PALM2AKAP2: variants seen among roughly 807,000 people sequenced by gnomAD.
The protein encoded by PALM2AKAP2 is PALM2 and AKAP2 fusion.
In PALM2AKAP2, 37 loss-of-function variants were observed where a neutral mutation model predicts 71.5. The observed-to-expected ratio is 0.52, with a 90% CI of 0.40 to 0.68. The LOEUF is 0.68. Ranked by LOEUF, PALM2AKAP2 falls within the 30% of genes least tolerant of loss-of-function variation. The pLI is 0.00. For missense variants in PALM2AKAP2, 1,224 were observed against 1,191.8 expected (o/e 1.03, Z -0.40); for synonymous variants, 468 against 478.8 (o/e 0.98, Z 0.29).
intron 1 of PALM2AKAP2, among the ~76,000 whole-genome samples, chr9:109,851,155 C>T (rs1282217280): frequency 3.3e-5 from 5 of 150,952 alleles, no homozygotes; most frequent in Non-Finnish European, 7.4e-5. Flanking sequence ...CCAGCCTGGG[C>T]AACAGAGGGA....
intron 2 of PALM2AKAP2, among the ~76,000 whole-genome samples, chr9:110,143,084 GTGTGCA>G (rs1836074624): frequency 8.8e-6 from 1 of 113,936 alleles, no homozygotes; most frequent in African/African-American, 3.1e-5. Flanking sequence ...TCCCAATAGT[GTGTGCA>G]TGTGTGCCCT....
At chr9:109,731,952 G>T (rs760938246) in intron 1 of PALM2AKAP2, among the ~76,000 whole-genome samples, 3 of 152,176 alleles carry the variant, frequency 2.0e-5, no homozygotes, top group Admixed American at 6.5e-5. Flanking sequence ...GATGGGGACT[G>T]TGGATGGTGC....
intron 3 of PALM2AKAP2, among the ~76,000 whole-genome samples, chr9:109,886,154 C>T (rs1164086994): frequency 6.6e-6 from 1 of 152,138 alleles, no homozygotes; most frequent in Admixed American, 6.5e-5. Flanking sequence ...CTTCTGTATG[C>T]TTTGCTTCTT....
chr9:109,733,055 T>A (rs78316123), intron 1 of PALM2AKAP2, among the ~76,000 whole-genome samples: 2 of 152,022 alleles, frequency 1.3e-5, no homozygotes, highest in African/African-American at 2.4e-5. Context: ...CAGATTATAT[T>A]CTATAGGGGC....
chr9:109,833,934 C>T (rs186967454), intron 1 of PALM2AKAP2, among the ~76,000 whole-genome samples: 53 of 152,292 alleles, frequency 3.5e-4, no homozygotes, highest in African/African-American at 1.3e-3. Flanking sequence ...ATTTGATGGC[C>T]GGGCACAGTG....
At chr9:109,916,691 A>T (rs1166246139) in intron 3 of PALM2AKAP2, among the ~76,000 whole-genome samples, 1 of 152,242 alleles carries the variant, frequency 6.6e-6, no homozygotes, top group African/African-American at 2.4e-5. Flanking sequence ...CACCTGTATC[A>T]GTTGAGAATT....
chr9:109,964,826 C>G (rs1210409418), intron 6 of PALM2AKAP2, among the ~76,000 whole-genome samples: 1 of 152,162 alleles, frequency 6.6e-6, no homozygotes, highest in Non-Finnish European at 1.5e-5. Flanking sequence ...TTGGGTGTTA[C>G]AGTTACAGAT....
At chr9:109,854,086 A>G (rs541708752) in intron 1 of PALM2AKAP2, among the ~76,000 whole-genome samples, 2 of 152,272 alleles carry the variant, frequency 1.3e-5, no homozygotes, top group South Asian at 4.1e-4. Context: ...ACCTTATCCT[A>G]AAGTACGTCT....
At chr9:110,037,955 G>A (rs372866608) in intron 7 of PALM2AKAP2, among the ~76,000 whole-genome samples, 6 of 152,120 alleles carry the variant, frequency 3.9e-5, no homozygotes, top group East Asian at 3.8e-4. Context: ...ATGGCCTGAG[G>A]GATAGAAGGG....
chr9:109,641,485 G>A (rs1827069154), intron 1 of PALM2AKAP2, among the ~76,000 whole-genome samples: 1 of 152,234 alleles, frequency 6.6e-6, no homozygotes, highest in Non-Finnish European at 1.5e-5. Flanking sequence ...ATACGGCATG[G>A]ATGGGTGGGG....
intron 1 of PALM2AKAP2, among the ~76,000 whole-genome samples, chr9:109,685,725 A>G (rs1827797609): frequency 1.3e-5 from 2 of 152,044 alleles, no homozygotes; most frequent in South Asian, 4.1e-4. Flanking sequence ...CTACTGACTG[A>G]TCAGGATGGT....
chr9:110,063,693 G>A (rs181589917), intron 1 of PALM2AKAP2, among the ~76,000 whole-genome samples: 10 of 152,028 alleles, frequency 6.6e-5, no homozygotes, highest in Admixed American at 4.6e-4. Flanking sequence ...ATCCACCCAC[G>A]TTAGCCTCCC....
chr9:109,647,536 T>G (rs1298456720), intron 1 of PALM2AKAP2, among the ~76,000 whole-genome samples: 1 of 152,228 alleles, frequency 6.6e-6, no homozygotes, highest in African/African-American at 2.4e-5. Flanking sequence ...TCCGGAAGTA[T>G]TGTATCCCTT....
rs140280340 is a variant in PALM2AKAP2, at chr9:110,114,971, T to G, written c.157-21156T>G. Among the ~76,000 whole-genome samples the G allele has an allele frequency of 7.4e-4, 112 of 152,298 alleles. 1 individual carries two copies. The highest frequency in any genetic ancestry group is 6.8e-3 in the Middle Eastern group (2 of 294). On this transcript the variant is annotated intron_variant, in intron 1 of 3. Coordinates refer to ENST00000374525, the Ensembl canonical transcript of PALM2AKAP2. ...GCACATTTCTTTGCACAAAGTAAAATACCCTCCCACGACTCCCCACTGCTC... is the reference window on the plus strand; with the variant it reads ...GCACATTTCTTTGCACAAAGTAAAAGACCCTCCCACGACTCCCCACTGCTC...
intron 1 of PALM2AKAP2, among the ~76,000 whole-genome samples, chr9:109,731,790 A>G (rs923085953): frequency 5.9e-5 from 9 of 152,218 alleles, no homozygotes; most frequent in African/African-American, 2.2e-4. Flanking sequence ...CAGGTGAGGA[A>G]ATGTTGAAGT....
At chr9:109,986,060 G>A (rs1832372583) in intron 6 of PALM2AKAP2, among the ~76,000 whole-genome samples, 1 of 152,136 alleles carries the variant, frequency 6.6e-6, no homozygotes, top group Non-Finnish European at 1.5e-5. Flanking sequence ...AAAGAAATGC[G>A]ACCCGCTACC....
At chr9:109,674,667 T>C (rs191300947) in intron 1 of PALM2AKAP2, among the ~76,000 whole-genome samples, 107 of 152,214 alleles carry the variant, frequency 7.0e-4, no homozygotes, top group Non-Finnish European at 1.5e-5. Context: ...CAAGAACATA[T>C]GTAATTATAT....
chr9:109,943,125 G>A (rs1181980392), intron 6 of PALM2AKAP2: 1 of 1,614,252 alleles, frequency 6.2e-7, no homozygotes, highest in East Asian at 2.2e-5. Flanking sequence ...CCGTCACCAT[G>A]ATTTTTATGG....
At chr9:109,640,989 G>C in intron 1 of PALM2AKAP2, 1 of 1,336,400 alleles carries the variant, frequency 7.5e-7, no homozygotes, top group South Asian at 1.6e-5. Context: ...TCAGCCCCGT[G>C]TGTACGCCTG....
Sources: allele counts gnomAD v4.1 joint callset (sites outside exome capture counted in the v4.1 genomes callset), GRCh38; gene constraint gnomAD v4.1.1; transcripts MANE v1.5; gene names NCBI Gene and HGNC (gene_info 2026-07-23, HGNC 2026-07-21).